The following PDE8B variants were observed in gnomAD, a reference collection of about 807,000 sequenced individuals.
PDE8B encodes high affinity cAMP-specific and IBMX-insensitive 3',5'-cyclic phosphodiesterase 8B.
In PDE8B, 26 loss-of-function variants were observed where a neutral mutation model predicts 101.3. That is an observed-to-expected ratio of 0.26 (90% confidence interval 0.19 to 0.36). The LOEUF (loss-of-function observed/expected upper bound fraction) is 0.36. Among genes scored for constraint, PDE8B ranks in the 10% least tolerant of loss-of-function variants. PDE8B has a pLI of 1.00. For synonymous variants in PDE8B, 424 were observed against 429.3 expected (o/e 0.99, Z 0.15); for missense variants, 810 against 1,163.1 (o/e 0.70, Z 4.42).
chr5:77,145,369 T>C, the PDE8B span: 4 of 152,290 alleles, frequency 2.6e-5, no homozygotes, highest in African/African-American at 9.6e-5. Flanking sequence ...AAATTCTCAG[T>C]CTCTCCAGAT....
chr5:77,427,401 TAAAAAAA>T lies in PDE8B; in HGVS notation c.*858_*864del, dbSNP rs10536220. 16 of 144,412 alleles carry T rather than the reference TAAAAAAA, an allele frequency of 1.1e-4. No homozygotes were observed. The highest frequency in any genetic ancestry group is 3.0e-4 in the African/African-American group (12 of 39,952). 8.9% of individuals were successfully genotyped at this position (144,412 alleles called of 1,614,324 possible). A position where few individuals can be genotyped will look rare whatever the true frequency, so the allele number is the denominator to read the frequency against. The stretch of plus-strand genomic sequence containing the variant: ...TGAATGCCCTTGGACAAGCTTTTCT[TAAAAAAA>T]AAAAAAAAAAGTTTATATACATGTT... On this transcript the variant is annotated 3_prime_UTR_variant, in exon 22 of 22. Transcript: ENST00000264917.
At chr5:77,379,407 A>G (rs1330323802) in intron 10 of PDE8B, among the ~76,000 whole-genome samples, 1 of 152,226 alleles carries the variant, frequency 6.6e-6, no homozygotes, top group Admixed American at 6.5e-5. Flanking sequence ...TGTTGCTTTG[A>G]TATAAATAAC....
At chr5:77,283,405 G>C (rs1765399403) in intron 1 of PDE8B, among the ~76,000 whole-genome samples, 1 of 152,114 alleles carries the variant, frequency 6.6e-6, no homozygotes, top group Non-Finnish European at 1.5e-5. Flanking sequence ...ACCTTCTGGG[G>C]AGTTTGACAG....
At chr5:77,284,985 T>G (rs2149881691) in intron 1 of PDE8B, among the ~76,000 whole-genome samples, 1 of 152,344 alleles carries the variant, frequency 6.6e-6, no homozygotes, top group Non-Finnish European at 1.5e-5. Flanking sequence ...TTACCTAAGA[T>G]AGATAGTGAG....
At chr5:77,365,238 G>A (rs1456925194) in intron 10 of PDE8B, among the ~76,000 whole-genome samples, 1 of 152,094 alleles carries the variant, frequency 6.6e-6, no homozygotes, top group East Asian at 1.9e-4. Flanking sequence ...CTGATAGATT[G>A]GGTCTGGGGT....
the PDE8B span, among the ~76,000 whole-genome samples, chr5:77,095,332 T>A: frequency 2.6e-5 from 4 of 152,242 alleles, no homozygotes; most frequent in Non-Finnish European, 5.9e-5. Flanking sequence ...TTGCTTTGCC[T>A]GTGTAACTTT....
intron 1 of PDE8B, among the ~76,000 whole-genome samples, chr5:77,260,973 G>T (rs1760457736): frequency 6.6e-6 from 1 of 152,126 alleles, no homozygotes. Context: ...TATGATGACT[G>T]TTCTAATACC....
chr5:77,185,757 G>T, the PDE8B span, among the ~76,000 whole-genome samples: 2 of 151,946 alleles, frequency 1.3e-5, no homozygotes, highest in Admixed American at 1.3e-4. Flanking sequence ...ACCCAAAACT[G>T]TTATTTTTCT....
At chr5:77,313,296 GA>G (rs911631117) in intron 2 of PDE8B, among the ~76,000 whole-genome samples, 62 of 143,242 alleles carry the variant, frequency 4.3e-4, no homozygotes, top group African/African-American at 8.9e-4. Flanking sequence ...TCTAGGAAAG[GA>G]AAAAAAAAAA....
chr5:77,312,115 T>TC (rs1419434351), intron 2 of PDE8B, 62 bp downstream of exon 2: 13 of 1,297,930 alleles, frequency 1.0e-5, no homozygotes, highest in African/African-American at 1.5e-5. Flanking sequence ...CTTTTTTTTT[T>TC]TTTTTTGAGA....
chr5:77,389,129 C>T (rs1789363382), intron 10 of PDE8B, among the ~76,000 whole-genome samples: 1 of 152,174 alleles, frequency 6.6e-6, no homozygotes, highest in South Asian at 2.1e-4. Flanking sequence ...AAAAAAAAAT[C>T]CTGCATCTAG....
intron 10 of PDE8B, among the ~76,000 whole-genome samples, chr5:77,360,448 C>G (rs1782897165): frequency 6.6e-6 from 1 of 152,202 alleles, no homozygotes; most frequent in Non-Finnish European, 1.5e-5. Flanking sequence ...TGTTAGCACT[C>G]TATGGAAAAT....
At chr5:77,094,007 G>A in the PDE8B span, among the ~76,000 whole-genome samples, 2 of 151,984 alleles carry the variant, frequency 1.3e-5, no homozygotes, top group South Asian at 2.1e-4. Flanking sequence ...TAAAACAACA[G>A]GTGTTTATTC....
At chr5:77,235,272 G>A (rs1754425407) in intron 1 of PDE8B, among the ~76,000 whole-genome samples, 1 of 152,214 alleles carries the variant, frequency 6.6e-6, no homozygotes, top group Non-Finnish European at 1.5e-5. Context: ...TGGGAGCATA[G>A]ACTAACTAAT....
the PDE8B span, among the ~76,000 whole-genome samples, chr5:77,180,856 C>T: frequency 6.6e-6 from 1 of 152,198 alleles, no homozygotes; most frequent in Non-Finnish European, 1.5e-5. Context: ...CACGCTTCCC[C>T]GGCGCGGGAC....
At chr5:77,331,814 C>T (rs912795243) in intron 5 of PDE8B, among the ~76,000 whole-genome samples, 1 of 152,190 alleles carries the variant, frequency 6.6e-6, no homozygotes, top group African/African-American at 2.4e-5. Flanking sequence ...TACATAGATA[C>T]ATCCACCAAA....
chr5:77,352,220 C>T (rs1370188046), intron 9 of PDE8B, among the ~76,000 whole-genome samples: 4 of 152,158 alleles, frequency 2.6e-5, no homozygotes, highest in Non-Finnish European at 5.9e-5. Flanking sequence ...CTCAGCGTGG[C>T]CATTCTCACC....
intron 10 of PDE8B, chr5:77,358,495 C>T: frequency 1.1e-6 from 1 of 951,748 alleles, no homozygotes; most frequent in Non-Finnish European, 1.3e-6. Flanking sequence ...GGTTATGCCT[C>T]TTCGTACTTC....
At chr5:77,361,456 A>C (rs1783074665) in intron 10 of PDE8B, among the ~76,000 whole-genome samples, 1 of 152,110 alleles carries the variant, frequency 6.6e-6, no homozygotes, top group South Asian at 2.1e-4. Flanking sequence ...GAAGTTCCTC[A>C]CATCACTGAC....
Sources: allele counts gnomAD v4.1 joint callset (sites outside exome capture counted in the v4.1 genomes callset), GRCh38; gene constraint gnomAD v4.1.1; transcripts MANE v1.5; gene names NCBI Gene and HGNC (gene_info 2026-07-23, HGNC 2026-07-21).